ALG9: variants seen among roughly 807,000 people sequenced by gnomAD.
The protein encoded by ALG9 is alpha-1,2-mannosyltransferase ALG9.
A neutral mutation model predicts 81.8 loss-of-function variants in ALG9; 55 were observed. The ratio of observed to expected loss-of-function variants is 0.67; its 90% CI spans 0.54 to 0.84. The LOEUF is 0.84. ALG9 is among the 40% of genes least tolerant of loss of function. ALG9 has a pLI of 0.00. For synonymous variants in ALG9, 278 were observed against 274.3 expected (o/e 1.01, Z -0.13); for missense variants, 629 against 745.0 (o/e 0.84, Z 1.81).
chr11:111,817,845 C>G (rs1386429880), intron 13 of ALG9, among the ~76,000 whole-genome samples: 1 of 149,488 alleles, frequency 6.7e-6, no homozygotes, highest in East Asian at 2.0e-4. Context: ...GGTGCGGTCT[C>G]GGCTCACTGC....
intron 3 of ALG9, among the ~76,000 whole-genome samples, chr11:111,866,721 C>T (rs6589250): frequency 6.6e-6 from 1 of 150,980 alleles, no homozygotes; most frequent in Non-Finnish European, 1.5e-5. Context: ...AAATAAAAAC[C>T]CTCTGCATAG....
At chr11:111,869,968 T>C (rs1963749545) in intron 2 of ALG9, among the ~76,000 whole-genome samples, 1 of 152,084 alleles carries the variant, frequency 6.6e-6, no homozygotes, top group Non-Finnish European at 1.5e-5. Flanking sequence ...CCCACCACCA[T>C]GCCCGGCTAA....
At chr11:111,849,639 C>T (rs1288499008) in intron 8 of ALG9, 1 of 152,106 alleles carries the variant, frequency 6.6e-6, no homozygotes, top group Non-Finnish European at 1.5e-5. Flanking sequence ...CCCTCCGCCC[C>T]CTCCACAGGC....
At chr11:111,840,080 T>A (rs942718657) in intron 10 of ALG9, among the ~76,000 whole-genome samples, 3 of 152,198 alleles carry the variant, frequency 2.0e-5, no homozygotes, top group Non-Finnish European at 4.4e-5. Flanking sequence ...GTAAACTGTA[T>A]GGTTTGTGAA....
chr11:111,852,557 A>G (rs1957993536), intron 8 of ALG9, among the ~76,000 whole-genome samples: 1 of 152,124 alleles, frequency 6.6e-6, no homozygotes. Flanking sequence ...TTGTCTACAG[A>G]TTTTCCAAAC....
At chr11:111,813,490 T>C (rs1257917408) in intron 13 of ALG9, among the ~76,000 whole-genome samples, 3 of 152,086 alleles carry the variant, frequency 2.0e-5, no homozygotes, top group Admixed American at 6.6e-5. Context: ...TGGTCCTAAC[T>C]ACTTGGGAGG....
intron 14 of ALG9, among the ~76,000 whole-genome samples, chr11:111,798,406 G>C (rs1948617728): frequency 6.6e-6 from 1 of 152,020 alleles, no homozygotes; most frequent in Admixed American, 6.6e-5. Flanking sequence ...ATATCCTGGA[G>C]AGGCATTTCC....
intron 6 of ALG9, 130 bp from the exon 7 acceptor site, chr11:111,853,866 T>C (rs1555141287): frequency 2.5e-6 from 2 of 797,818 alleles, no homozygotes; most frequent in Non-Finnish European, 4.4e-6. Context: ...AAACCTGGTA[T>C]GTGAGAGGAT....
intron 14 of ALG9, among the ~76,000 whole-genome samples, chr11:111,803,247 A>T (rs1343201984): frequency 6.6e-6 from 1 of 152,146 alleles, no homozygotes; most frequent in Non-Finnish European, 1.5e-5. Flanking sequence ...CATGCCTGTA[A>T]TCCCAATACT....
At chr11:111,821,474 C>T (rs782669665) in intron 13 of ALG9, among the ~76,000 whole-genome samples, 7 of 152,164 alleles carry the variant, frequency 4.6e-5, no homozygotes, top group Admixed American at 6.5e-5. Context: ...GTCTTCTTTT[C>T]CCAATGACTC....
downstream of ALG9, among the ~76,000 whole-genome samples, chr11:111,778,928 C>T (rs1555056053): frequency 6.6e-6 from 1 of 151,866 alleles, no homozygotes; most frequent in East Asian, 1.9e-4. Flanking sequence ...GATTCTCCTG[C>T]CTCAGCCTAC....
At chr11:111,860,384 G>T (rs782399839) in intron 5 of ALG9, among the ~76,000 whole-genome samples, 163 bp downstream of exon 5, 2 of 152,244 alleles carry the variant, frequency 1.3e-5, no homozygotes. Flanking sequence ...GTAGATAACA[G>T]TGCTCTGCAA....
Position 111,782,372 on chromosome 11 carries a change from C to T in ALG9, c.*4025G>A, listed in dbSNP as rs887169179. The T allele has an allele frequency of 6.6e-6, 1 of 152,574 alleles. No homozygotes were observed. The highest frequency in any genetic ancestry group is 2.1e-4 in the South Asian group (1 of 4,830). 9.5% of individuals were successfully genotyped at this position (152,574 alleles called of 1,614,324 possible). A position where few individuals can be genotyped will look rare whatever the true frequency, so the allele number is the denominator to read the frequency against. On this transcript the variant is annotated 3_prime_UTR_variant, in exon 15 of 15. Coordinates refer to ENST00000616540, the MANE Select transcript of ALG9 (RefSeq NM_024740.2). ...TTGCAGCATGAATCACCTGGTTATA[C>T]AGACTGGCAGAAGGCAACATTCAGA...
At chr11:111,771,566 G>C in the ALG9 span, among the ~76,000 whole-genome samples, 3 of 152,138 alleles carry the variant, frequency 2.0e-5, no homozygotes, top group South Asian at 2.1e-4. Flanking sequence ...GTGTGAGAAG[G>C]CCAAGTGTAG....
chr11:111,777,853 A>G (rs568246831), downstream of ALG9, among the ~76,000 whole-genome samples: 4 of 152,198 alleles, frequency 2.6e-5, no homozygotes, highest in Non-Finnish European at 5.9e-5. Flanking sequence ...GGTGAGACCA[A>G]CTCCTGAATG....
intron 14 of ALG9, among the ~76,000 whole-genome samples, chr11:111,802,180 CG>C (rs1555080976): frequency 6.6e-6 from 1 of 152,200 alleles, no homozygotes; most frequent in East Asian, 1.9e-4. Flanking sequence ...CAGAAACCTT[CG>C]GTTCCCTTGT....
At chr11:111,862,345 T>C (rs1187900495) in intron 4 of ALG9, among the ~76,000 whole-genome samples, 1 of 151,948 alleles carries the variant, frequency 6.6e-6, no homozygotes, top group Non-Finnish European at 1.5e-5. Flanking sequence ...GTGATTCTCG[T>C]GCCTCTACCA....
chr11:111,869,145 T>C (rs1963462116), intron 2 of ALG9, among the ~76,000 whole-genome samples: 1 of 152,196 alleles, frequency 6.6e-6, no homozygotes, highest in Non-Finnish European at 1.5e-5. Flanking sequence ...TGATACAATA[T>C]TTAAAATATT....
chr11:111,788,542 G>C (rs1555067378), intron 14 of ALG9: 1 of 432,048 alleles, frequency 2.3e-6, no homozygotes. Flanking sequence ...CCAGGAGTTT[G>C]AGCCCAGCCT....
Sources: allele counts gnomAD v4.1 joint callset (sites outside exome capture counted in the v4.1 genomes callset), GRCh38; gene constraint gnomAD v4.1.1; transcripts MANE v1.5; gene names NCBI Gene and HGNC (gene_info 2026-07-23, HGNC 2026-07-21).